ZNF385D: variants seen among roughly 807,000 people sequenced by gnomAD.
ZNF385D encodes the protein zinc finger protein 659.
ZNF385D carries 15 observed loss-of-function variants against 35.8 expected under a neutral mutation model. The observed-to-expected ratio is 0.42, with a 90% CI of 0.28 to 0.64. The LOEUF is 0.64. Ranked by LOEUF, ZNF385D falls within the 30% of genes least tolerant of loss-of-function variation. ZNF385D has a pLI of 0.23. For missense variants in ZNF385D, 474 were observed against 494.6 expected, an observed-to-expected ratio of 0.96 and a Z score of 0.39; for synonymous variants, 212 against 186.8, an observed-to-expected ratio of 1.13 and a Z score of -1.10.
intron 2 of ZNF385D, among the ~76,000 whole-genome samples, chr3:21,613,034 C>G (rs1270800978): frequency 6.7e-6 from 1 of 149,502 alleles, no homozygotes; most frequent in East Asian, 2.0e-4. Flanking sequence ...AAAGAACACC[C>G]TCTAAATTCA....
intron 2 of ZNF385D, among the ~76,000 whole-genome samples, chr3:22,200,121 T>G (rs1696682812): frequency 6.6e-6 from 1 of 152,076 alleles, no homozygotes; most frequent in Admixed American, 6.6e-5. Context: ...CCCTAACCAT[T>G]ACAACACAGG....
At chr3:22,305,274 T>C (rs1443981224) in intron 2 of ZNF385D, among the ~76,000 whole-genome samples, 1 of 152,220 alleles carries the variant, frequency 6.6e-6, no homozygotes, top group Non-Finnish European at 1.5e-5. Flanking sequence ...AGTAGTATGC[T>C]ACTTTTTTGT....
At chr3:22,150,598 C>T (rs1297596740) in intron 3 of ZNF385D, among the ~76,000 whole-genome samples, 1 of 152,096 alleles carries the variant, frequency 6.6e-6, no homozygotes, top group Non-Finnish European at 1.5e-5. Context: ...TATTTCTAAT[C>T]TCTTCCTTCA....
intron 3 of ZNF385D, among the ~76,000 whole-genome samples, chr3:21,979,072 T>C (rs1205952355): frequency 2.0e-5 from 3 of 152,170 alleles, no homozygotes; most frequent in Non-Finnish European, 4.4e-5. Context: ...TAGAAAATAG[T>C]TGTGACTATC....
At chr3:22,317,231 C>A (rs145825051) in intron 2 of ZNF385D, among the ~76,000 whole-genome samples, 16 of 130,478 alleles carry the variant, frequency 1.2e-4, no homozygotes, top group Non-Finnish European at 2.3e-4. Context: ...GAGCCAAGAT[C>A]GCGCTATTGC....
intron 3 of ZNF385D, among the ~76,000 whole-genome samples, chr3:22,151,412 T>C (rs141017112): frequency 6.6e-6 from 1 of 152,188 alleles, no homozygotes; most frequent in East Asian, 1.9e-4. Flanking sequence ...ACATTGTGGG[T>C]TGAGGAGGTG....
At chr3:21,527,091 A>G (rs1708271735) in intron 3 of ZNF385D, among the ~76,000 whole-genome samples, 2 of 152,218 alleles carry the variant, frequency 1.3e-5, no homozygotes, top group African/African-American at 4.8e-5. Flanking sequence ...AAGGTGTAAT[A>G]TAAAGTAACT....
chr3:21,600,809 AATT>A (rs2064264633), intron 2 of ZNF385D, among the ~76,000 whole-genome samples: 1 of 152,240 alleles, frequency 6.6e-6, no homozygotes, highest in African/African-American at 2.4e-5. Flanking sequence ...AGCTCTGAGA[AATT>A]ATAAATATGA....
At chr3:22,352,396 T>A (rs149382832) in intron 2 of ZNF385D, among the ~76,000 whole-genome samples, 422 of 152,308 alleles carry the variant, frequency 2.8e-3, no homozygotes, top group African/African-American at 9.8e-3. Context: ...CCTTTCACAA[T>A]CACACGTTAT....
At chr3:22,156,486 C>G (rs979517817) in intron 3 of ZNF385D, among the ~76,000 whole-genome samples, 4 of 152,022 alleles carry the variant, frequency 2.6e-5, no homozygotes, top group Non-Finnish European at 4.4e-5. Context: ...AGAGAGAGAA[C>G]GCTACTTGCT....
chr3:22,058,046 C>G (rs1284799288), intron 3 of ZNF385D, among the ~76,000 whole-genome samples: 2 of 152,074 alleles, frequency 1.3e-5, no homozygotes, highest in Non-Finnish European at 2.9e-5. Context: ...CAAACTAAAA[C>G]AATTCTTGTT....
intron 4 of ZNF385D, among the ~76,000 whole-genome samples, chr3:21,504,735 GA>G (rs1159786987): frequency 6.6e-6 from 1 of 152,142 alleles, no homozygotes; most frequent in Non-Finnish European, 1.5e-5. Flanking sequence ...AACAACAATG[GA>G]AAAACAAGGT....
intron 1 of ZNF385D, among the ~76,000 whole-genome samples, chr3:21,741,941 A>C (rs1241183608): frequency 6.6e-6 from 1 of 152,172 alleles, no homozygotes; most frequent in African/African-American, 2.4e-5. Flanking sequence ...GTATATTGAA[A>C]CCACAATACA....
rs10627614 is a variant in ZNF385D at position 22,066,461 on chromosome 3, CGTGTGTGT to C, written c.325+102348_325+102355del. Among the ~76,000 whole-genome samples the C allele has an allele frequency of 2.7e-4, 27 of 98,188 alleles. 1 individual carries two copies. The highest frequency in any genetic ancestry group is 9.2e-4 in the African/African-American group (22 of 23,844). 64.4% of individuals were successfully genotyped at this position (98,188 alleles called of 152,430 possible). A position where few individuals can be genotyped will look rare whatever the true frequency, so the allele number is the denominator to read the frequency against. ...AAAGATACTGGGTGAGATGGTTCCC[CGTGTGTGT>C]GTGTGTGTGTGTGTGTGTGTGTGTA... On this transcript the variant is annotated intron_variant, in intron 3 of 5. Coordinates refer to the ZNF385D transcript ENST00000494108.
chr3:22,137,452 A>C (rs1444012802), intron 3 of ZNF385D, among the ~76,000 whole-genome samples: 2 of 152,206 alleles, frequency 1.3e-5, no homozygotes, highest in East Asian at 1.9e-4. Context: ...ATCCAACAGC[A>C]CATCAAAAAG....
chr3:22,085,900 A>G (rs930015385), intron 3 of ZNF385D, among the ~76,000 whole-genome samples: 2 of 152,236 alleles, frequency 1.3e-5, no homozygotes, highest in Non-Finnish European at 2.9e-5. Context: ...ATGGTTTAAC[A>G]TATGCAAATC....
At chr3:22,225,627 A>G (rs928087888) in intron 2 of ZNF385D, among the ~76,000 whole-genome samples, 10 of 152,170 alleles carry the variant, frequency 6.6e-5, no homozygotes, top group African/African-American at 1.9e-4. Flanking sequence ...TAGCTGCATT[A>G]TAACACATCC....
intron 3 of ZNF385D, among the ~76,000 whole-genome samples, chr3:22,025,734 G>A (rs1221533885): frequency 6.6e-6 from 1 of 152,156 alleles, no homozygotes; most frequent in African/African-American, 2.4e-5. Context: ...TAGGGAGATT[G>A]GGATGGTGGA....
At chr3:22,119,911 G>A (rs182089105) in intron 3 of ZNF385D, among the ~76,000 whole-genome samples, 1 of 151,926 alleles carries the variant, frequency 6.6e-6, no homozygotes, top group East Asian at 1.9e-4. Context: ...GCAGTGGTAT[G>A]ACTTTGGTGA....
Sources: allele counts gnomAD v4.1 joint callset (sites outside exome capture counted in the v4.1 genomes callset), GRCh38; gene constraint gnomAD v4.1.1; transcripts MANE v1.5; gene names NCBI Gene and HGNC (gene_info 2026-07-23, HGNC 2026-07-21).